ALDH7A1: variants seen among roughly 807,000 people sequenced by gnomAD.
ALDH7A1 encodes aldehyde dehydrogenase 7 family member A1, also known as alpha-aminoadipic semialdehyde dehydrogenase.
In ALDH7A1, 63 loss-of-function variants were observed where a neutral mutation model predicts 79.9. The observed-to-expected ratio is 0.79, with a 90% CI of 0.64 to 0.97. ALDH7A1 has a LOEUF of 0.97. Among genes scored for constraint, ALDH7A1 ranks in the 50% least tolerant of loss-of-function variants. The probability of loss-of-function intolerance (pLI) is 0.00; values close to 1 mark genes in which losing one functional copy is unlikely to be tolerated. For missense variants in ALDH7A1, 627 were observed against 665.2 expected (o/e 0.94, Z 0.63); for synonymous variants, 240 against 231.2 (o/e 1.04, Z -0.34).
In ALDH7A1 at chr5:126,542,592, G is replaced by T. The variant is rs1441463716; in HGVS notation, c.*2373C>A. 1 of 152,220 alleles carries T rather than the reference G, an allele frequency of 6.6e-6. No homozygotes were observed. The highest frequency in any genetic ancestry group is 2.4e-5 in the African/African-American group (1 of 41,416). The allele number at this position is 152,220 out of a possible 1,614,324, so 9.4% of individuals were successfully genotyped here. On this transcript the variant is annotated 3_prime_UTR_variant, in exon 18 of 18. Transcript: ENST00000409134. ...AGGTGGAAGGATAGATTGAGCCCAG[G>T]AGTTGGAGGCTGCAGTGAGCCACTA...
chr5:126,578,553 T>G (rs928307856), intron 5 of ALDH7A1, among the ~76,000 whole-genome samples: 1 of 148,640 alleles, frequency 6.7e-6, no homozygotes, highest in Non-Finnish European at 1.5e-5. Flanking sequence ...TGAGGAGAAC[T>G]GCTTGAGCCC....
At chr5:126,589,388 C>G (rs1751464311) in intron 3 of ALDH7A1, among the ~76,000 whole-genome samples, 1 of 152,018 alleles carries the variant, frequency 6.6e-6, no homozygotes, top group South Asian at 2.1e-4. Flanking sequence ...AACTCCCAAC[C>G]TCAGGTGATC....
rs1021861282 is a variant in ALDH7A1, at chr5:126,543,426, A to G, written c.*1539T>C. 2.0e-5 allele frequency: 3 copies of G among 152,162 alleles called. No homozygotes were observed. The East Asian group carries it at 5.8e-4, about 29-fold the overall frequency. The allele number at this position is 152,162 out of a possible 1,614,324, so 9.4% of individuals were successfully genotyped here. On this transcript the variant is annotated 3_prime_UTR_variant, in exon 18 of 18. Transcript: ENST00000409134. The stretch of plus-strand genomic sequence containing the variant: ...TCCTGCCAACCTTCTCTCAATAGCT[A>G]TATCAGTATTTGGCTTGATTCATGT...
intron 8 of ALDH7A1, chr5:126,568,643 A>G (rs968279868): frequency 2.4e-6 from 1 of 413,850 alleles, no homozygotes; most frequent in South Asian, 2.3e-5. Flanking sequence ...TGACTGGACA[A>G]TATGATCTTA....
In ALDH7A1 at chr5:126,544,562, G is replaced by A. The variant is rs112493228; in HGVS notation, c.*403C>T. 1.2e-4 allele frequency: 28 copies of A among 241,232 alleles called. No homozygotes were observed. Among genetic ancestry groups the A allele is most frequent in the South Asian group, 2.7e-4 (5 of 18,612 alleles). 14.9% of individuals were successfully genotyped at this position (241,232 alleles called of 1,614,324 possible). A position where few individuals can be genotyped will look rare whatever the true frequency, so the allele number is the denominator to read the frequency against. ...TAATGTCAAGCAATATTCACCCCCC[G>A]CCCCTGAATCCTTCACTTGGTCAGG... On this transcript the variant is annotated 3_prime_UTR_variant, in exon 18 of 18. Transcript: ENST00000409134.
chr5:126,574,343 T>G (rs1458552331), intron 7 of ALDH7A1, among the ~76,000 whole-genome samples: 3 of 151,376 alleles, frequency 2.0e-5, no homozygotes, highest in Non-Finnish European at 4.4e-5. Flanking sequence ...GAGGTTGCCG[T>G]GAGCCAAGAT....
intron 7 of ALDH7A1, among the ~76,000 whole-genome samples, chr5:126,572,044 A>T (rs562573049): frequency 6.6e-6 from 1 of 152,364 alleles, no homozygotes; most frequent in South Asian, 2.1e-4. Context: ...AGTCATAAAA[A>T]AATGGCTAAA....
chr5:126,582,447 T>A (rs1449241569), intron 5 of ALDH7A1, among the ~76,000 whole-genome samples: 2 of 152,234 alleles, frequency 1.3e-5, no homozygotes, highest in East Asian at 3.8e-4. Context: ...TTTCCCCTTA[T>A]GATTCGACAT....
chr5:126,594,385 T>G (rs908601393), intron 1 of ALDH7A1: 4 of 396,080 alleles, frequency 1.0e-5, no homozygotes, highest in South Asian at 5.5e-5. Context: ...GTTGCACCGC[T>G]CAGTGTGCCA....
intron 9 of ALDH7A1, chr5:126,564,449 T>C (rs1750503223): frequency 4.9e-6 from 5 of 1,023,894 alleles, no homozygotes; most frequent in Admixed American, 4.3e-5. Context: ...TGCCCAGCCT[T>C]AGACATACAT....
At chr5:126,549,880 T>A in intron 16 of ALDH7A1, 49 bp downstream of exon 16, 1 of 1,573,454 alleles carries the variant, frequency 6.4e-7, no homozygotes, top group Non-Finnish European at 8.7e-7. Context: ...CTACTACTGG[T>A]TTTTCTTTGC....
chr5:126,585,152 G>T (rs1236780335), intron 3 of ALDH7A1, among the ~76,000 whole-genome samples: 1 of 152,094 alleles, frequency 6.6e-6, no homozygotes, highest in Non-Finnish European at 1.5e-5. Context: ...ACAAAAATTA[G>T]CCGGGCATGG....
chr5:126,570,953 A>G, intron 7 of ALDH7A1, 94 bp from the exon 8 acceptor site: 3 of 1,220,104 alleles, frequency 2.5e-6, no homozygotes, highest in East Asian at 4.7e-5. Context: ...CCTTTTTTCA[A>G]CTTTCTCTCC....
At chr5:126,593,218 A>G in intron 2 of ALDH7A1, 133 bp downstream of exon 2, 1 of 1,417,070 alleles carries the variant, frequency 7.1e-7, no homozygotes, top group African/African-American at 1.4e-5. Context: ...TATTCTCTTC[A>G]TTTGTGATTT....
At chr5:126,580,641 C>T (rs1173930759) in intron 5 of ALDH7A1, among the ~76,000 whole-genome samples, 1 of 152,100 alleles carries the variant, frequency 6.6e-6, no homozygotes, top group Non-Finnish European at 1.5e-5. Context: ...TAATAACCAT[C>T]ATGGAAATTT....
At chr5:126,545,082 C>G (rs945180167) in intron 17 of ALDH7A1, 63 bp from the exon 18 acceptor site, 1 of 1,247,718 alleles carries the variant, frequency 8.0e-7, no homozygotes, top group Non-Finnish European at 1.2e-6. Flanking sequence ...TTCATGCCCA[C>G]TTTTAAAATG....
chr5:126,547,788 A>C (rs1014795238), intron 16 of ALDH7A1, among the ~76,000 whole-genome samples: 1 of 152,152 alleles, frequency 6.6e-6, no homozygotes, highest in Non-Finnish European at 1.5e-5. Context: ...ACAGTGGCTC[A>C]CACCTGTATT....
At chr5:126,583,011 A>G in intron 4 of ALDH7A1, 37 bp from the exon 5 acceptor site, 4 of 1,613,170 alleles carry the variant, frequency 2.5e-6, no homozygotes, top group Non-Finnish European at 3.4e-6. Context: ...TTTTTCCAAC[A>G]GAATTCACAT....
At chr5:126,585,117 G>C (rs1490859515) in intron 3 of ALDH7A1, among the ~76,000 whole-genome samples, 1 of 152,090 alleles carries the variant, frequency 6.6e-6, no homozygotes, top group Non-Finnish European at 1.5e-5. Context: ...GGCCAACATG[G>C]TGAAACCCCA....
Sources: gnomAD v4.1 joint callset for allele counts (sites outside exome capture counted in the v4.1 genomes callset) on GRCh38, gnomAD v4.1.1 for gene constraint, MANE v1.5 for transcripts, NCBI Gene and HGNC (gene_info 2026-07-23, HGNC 2026-07-21) for gene names.